The following SFMBT1 variants were observed in gnomAD, a reference collection of about 807,000 sequenced individuals.
SFMBT1 encodes scm-like with four MBT domains protein 1.
SFMBT1 carries 32 observed loss-of-function variants against 108.7 expected under a neutral mutation model. That is an observed-to-expected ratio of 0.29 (90% CI 0.22 to 0.40). The LOEUF (loss-of-function observed/expected upper bound fraction) is 0.40. Among genes scored for constraint, SFMBT1 ranks in the 10% least tolerant of loss-of-function variants. The pLI is 1.00. For missense variants in SFMBT1, 816 were observed against 1,059.6 expected (o/e 0.77, Z 3.19); for synonymous variants, 348 against 369.5 (o/e 0.94, Z 0.67).
intron 1 of SFMBT1, among the ~76,000 whole-genome samples, chr3:52,972,282 A>G (rs1559532325): frequency 1.3e-5 from 2 of 152,246 alleles, no homozygotes; most frequent in Non-Finnish European, 2.9e-5. Flanking sequence ...CGTAGCAGAA[A>G]GCTAAGGCTG....
rs112010887 is a variant in SFMBT1 at position 52,937,618 on chromosome 3, T to C, written c.365-2717A>G. On this transcript the variant is annotated intron_variant, in intron 4 of 20. Transcript: ENST00000394752. ...TTTTTTTTGAGACGGAGTCTTGCTC[T>C]GTTGCCCAGGCTGGAGTGCAGTGGC... is the stretch of plus-strand genomic sequence containing the variant. Among the ~76,000 whole-genome samples, 669 of 152,210 alleles carry C rather than the reference T, an allele frequency of 4.4e-3. 7 individuals are homozygous for C. The highest frequency in any genetic ancestry group is 0.015 in the African/African-American group (641 of 41,516).
intron 1 of SFMBT1, among the ~76,000 whole-genome samples, chr3:52,982,828 G>A (rs920994028): frequency 5.5e-5 from 8 of 146,656 alleles, no homozygotes; most frequent in Non-Finnish European, 9.0e-5. Context: ...ACTTGATGGA[G>A]ATGAATAATT....
chr3:53,030,207 T>C (rs1699634615), intron 1 of SFMBT1, among the ~76,000 whole-genome samples: 1 of 152,188 alleles, frequency 6.6e-6, no homozygotes, highest in African/African-American at 2.4e-5. Context: ...ATATCCAAGA[T>C]ATTTTCAGTG....
intron 2 of SFMBT1, among the ~76,000 whole-genome samples, chr3:52,956,326 G>A (rs1044015378): frequency 9.2e-5 from 14 of 152,120 alleles, no homozygotes; most frequent in South Asian, 2.1e-4. Flanking sequence ...TGGGTGTGGC[G>A]GCACGCACCT....
intron 1 of SFMBT1, among the ~76,000 whole-genome samples, chr3:52,987,440 T>C (rs905865948): frequency 6.6e-6 from 1 of 152,172 alleles, no homozygotes; most frequent in Non-Finnish European, 1.5e-5. Flanking sequence ...CATTAGGCCA[T>C]AGGAATTTTT....
chr3:52,957,388 G>A (rs1228931590), intron 2 of SFMBT1, among the ~76,000 whole-genome samples: 1 of 152,074 alleles, frequency 6.6e-6, no homozygotes, highest in African/African-American at 2.4e-5. Flanking sequence ...TCATGAAAAT[G>A]GTCATACTAC....
At chr3:52,972,645 C>T (rs374759560) in intron 1 of SFMBT1, among the ~76,000 whole-genome samples, 6 of 152,044 alleles carry the variant, frequency 3.9e-5, no homozygotes, top group Admixed American at 2.6e-4. Flanking sequence ...AGGTGGCTCA[C>T]GCCTGTAATC....
chr3:53,016,156 TG>T (rs113629652), intron 1 of SFMBT1, among the ~76,000 whole-genome samples: 4,661 of 138,962 alleles, frequency 0.034, 271 homozygotes, highest in African/African-American at 0.11. Flanking sequence ...AAGGACAAAG[TG>T]AAAAAAAAAA....
intron 20 of SFMBT1, 34 bp downstream of exon 20, chr3:52,906,079 G>C: frequency 6.2e-7 from 1 of 1,609,188 alleles, no homozygotes. Context: ...TTGCTAAAGA[G>C]ACATTACTAA....
rs753379823 is a variant in SFMBT1 at position 52,997,390 on chromosome 3, G to T, written c.-130-28132C>A. 4.8e-4 allele frequency among the ~76,000 whole-genome samples: 72 copies of T among 149,600 alleles called. 9 individuals are homozygous for T. Among genetic ancestry groups the T allele is most frequent in the Non-Finnish European group, 1.0e-3 (67 of 66,804 alleles). On this transcript the variant is annotated intron_variant, in intron 1 of 20. Transcript: ENST00000394752. ...TCTCTACTAAAAACACAAAAAATTAGTCTGATGTGGTGGCAGGCACCTGTA... is the reference window on the plus strand; with the variant it reads ...TCTCTACTAAAAACACAAAAAATTATTCTGATGTGGTGGCAGGCACCTGTA...
intron 1 of SFMBT1, among the ~76,000 whole-genome samples, chr3:52,977,311 C>T (rs1704550737): frequency 6.6e-6 from 1 of 152,020 alleles, no homozygotes; most frequent in Non-Finnish European, 1.5e-5. Context: ...GAGTTCGAGA[C>T]CAGCCTGAAA....
At chr3:52,916,010 A>G (rs1326994384) in intron 14 of SFMBT1, 140 bp downstream of exon 14, 21 of 631,296 alleles carry the variant, frequency 3.3e-5, no homozygotes, top group South Asian at 3.2e-4. Context: ...TTAGACAGTT[A>G]TAACTCTAAA....
intron 1 of SFMBT1, among the ~76,000 whole-genome samples, chr3:53,012,425 C>T (rs1393749137): frequency 3.3e-5 from 5 of 150,924 alleles, no homozygotes; most frequent in South Asian, 2.1e-4. Flanking sequence ...TTTCCCGAGA[C>T]GGAGTCTCGC....
intron 1 of SFMBT1, among the ~76,000 whole-genome samples, chr3:52,997,468 G>A (rs1426200709): frequency 1.3e-5 from 2 of 149,074 alleles, no homozygotes; most frequent in Non-Finnish European, 3.0e-5. Flanking sequence ...CCCAGAAGGC[G>A]GAGCTTGTAG....
intron 1 of SFMBT1, among the ~76,000 whole-genome samples, chr3:53,034,745 T>C (rs1699810823): frequency 6.6e-6 from 1 of 151,976 alleles, no homozygotes; most frequent in Non-Finnish European, 1.5e-5. Flanking sequence ...GAGACCAGCT[T>C]GGCCAACACG....
chr3:52,929,321 C>A (rs1559514474), intron 8 of SFMBT1, among the ~76,000 whole-genome samples: 1 of 152,118 alleles, frequency 6.6e-6, no homozygotes, highest in East Asian at 1.9e-4. Context: ...CTCACCGTAA[C>A]CTCCGCCTCC....
At chr3:53,039,395 GA>G (rs1217083088) in intron 1 of SFMBT1, among the ~76,000 whole-genome samples, 5 of 152,166 alleles carry the variant, frequency 3.3e-5, no homozygotes, top group Non-Finnish European at 7.3e-5. Flanking sequence ...CCACTTAGAT[GA>G]AGTACCTAGA....
chr3:52,996,269 T>C (rs1028260213), intron 1 of SFMBT1, among the ~76,000 whole-genome samples: 1 of 135,982 alleles, frequency 7.4e-6, no homozygotes, highest in Non-Finnish European at 1.6e-5. Context: ...TGCAGTGCAG[T>C]AGCACCATCT....
chr3:52,961,163 T>C (rs1703948371), intron 2 of SFMBT1, among the ~76,000 whole-genome samples: 1 of 151,206 alleles, frequency 6.6e-6, no homozygotes. Flanking sequence ...TACTACAACA[T>C]TGATAAACAA....
Sources: allele counts gnomAD v4.1 joint callset (sites outside exome capture counted in the v4.1 genomes callset), GRCh38; gene constraint gnomAD v4.1.1; transcripts MANE v1.5; gene names NCBI Gene and HGNC (gene_info 2026-07-23, HGNC 2026-07-21).